The following JMJD1C variants were observed in gnomAD, a reference collection of about 807,000 sequenced individuals.
JMJD1C encodes jumonji domain-containing protein 1C.
A neutral mutation model predicts 245.3 loss-of-function variants in JMJD1C; 31 were observed. That is an observed-to-expected ratio of 0.13 (90% CI 0.09 to 0.17). The LOEUF is 0.17. JMJD1C is among the 10% of genes least tolerant of loss of function. The probability of loss-of-function intolerance (pLI) is 1.00; values close to 1 mark genes in which losing one functional copy is unlikely to be tolerated. For missense variants in JMJD1C, 2,691 were observed against 3,000.2 expected (o/e 0.90, Z 2.41); for synonymous variants, 1,057 against 1,017.4 (o/e 1.04, Z -0.74).
At chr10:63,424,846 A>G (rs568092474) in intron 1 of JMJD1C, among the ~76,000 whole-genome samples, 4 of 152,334 alleles carry the variant, frequency 2.6e-5, no homozygotes, top group Middle Eastern at 3.4e-3. Flanking sequence ...TTGGGGTATT[A>G]TAAGACCACA....
At chr10:63,425,559 A>G (rs1386569851) in intron 1 of JMJD1C, among the ~76,000 whole-genome samples, 1 of 152,178 alleles carries the variant, frequency 6.6e-6, no homozygotes, top group African/African-American at 2.4e-5. Flanking sequence ...AGACAGGCAG[A>G]TCGCTTGAGC....
chr10:63,226,428 T>C (rs1849286129), intron 3 of JMJD1C, among the ~76,000 whole-genome samples: 1 of 151,938 alleles, frequency 6.6e-6, no homozygotes, highest in African/African-American at 2.4e-5. Flanking sequence ...GAGGGGATAA[T>C]GGGGCCGGGT....
At chr10:63,319,539 T>G (rs1940585291) in intron 2 of JMJD1C, among the ~76,000 whole-genome samples, 1 of 152,098 alleles carries the variant, frequency 6.6e-6, no homozygotes, top group African/African-American at 2.4e-5. Context: ...AAACTATCCC[T>G]TTTATCCCTT....
intron 2 of JMJD1C, among the ~76,000 whole-genome samples, chr10:63,315,533 GT>G (rs1344364195): frequency 6.6e-6 from 1 of 151,966 alleles, no homozygotes; most frequent in Non-Finnish European, 1.5e-5. Flanking sequence ...ACTTTTGAAG[GT>G]TATACTTGCT....
chr10:63,171,715 G>A (rs1329481555), intron 24 of JMJD1C, among the ~76,000 whole-genome samples: 1 of 152,162 alleles, frequency 6.6e-6, no homozygotes, highest in Non-Finnish European at 1.5e-5. Flanking sequence ...AACTCTGGTG[G>A]TGGGGTACAG....
intron 24 of JMJD1C, among the ~76,000 whole-genome samples, chr10:63,173,983 C>T (rs1408334341): frequency 6.6e-6 from 1 of 152,122 alleles, no homozygotes; most frequent in East Asian, 1.9e-4. Flanking sequence ...AGTAAAACCA[C>T]CATGAGACAC....
chr10:63,518,906 A>C (rs1955112951), intron 1 of JMJD1C, among the ~76,000 whole-genome samples: 1 of 152,224 alleles, frequency 6.6e-6, no homozygotes, highest in Non-Finnish European at 1.5e-5. Flanking sequence ...TAATGTAAAC[A>C]AGCTTGGGAA....
intron 1 of JMJD1C, among the ~76,000 whole-genome samples, chr10:63,388,244 T>G (rs556289894): frequency 6.6e-6 from 1 of 151,976 alleles, no homozygotes. Context: ...GACATAACTA[T>G]CTAGTCACTT....
intron 1 of JMJD1C, among the ~76,000 whole-genome samples, chr10:63,503,042 G>C (rs1954609875): frequency 6.6e-6 from 1 of 152,190 alleles, no homozygotes; most frequent in African/African-American, 2.4e-5. Flanking sequence ...TGGGGAAACT[G>C]AGTCTTAAAG....
chr10:63,477,546 C>A (rs918264330), intron 1 of JMJD1C, among the ~76,000 whole-genome samples: 1 of 90,266 alleles, frequency 1.1e-5, no homozygotes. Context: ...ATTTGTCATC[C>A]ATATGTCAAA....
intron 6 of JMJD1C, 24 bp downstream of exon 6, chr10:63,215,529 A>G: frequency 6.2e-7 from 1 of 1,607,476 alleles, no homozygotes; most frequent in Non-Finnish European, 8.5e-7. Flanking sequence ...TTTTACAGAA[A>G]TTCATCCCTA....
In JMJD1C at chr10:63,215,822, G is replaced by A. The variant is rs548020758; in HGVS notation, c.679-126C>T. Reference sequence around the variant, plus strand: ...TGGGATCCCTAATTTATAAGATGCTGTTATAATAATTTGTTTTATTCACTT... The same window carrying A: ...TGGGATCCCTAATTTATAAGATGCTATTATAATAATTTGTTTTATTCACTT... On this transcript the variant is annotated intron_variant, in intron 5 of 25. Coordinates refer to ENST00000399262, the MANE Select transcript of JMJD1C (RefSeq NM_032776.3). 6.7e-6 allele frequency: 4 copies of A among 594,876 alleles called. No homozygotes were observed. The African/African-American group carries it at 7.4e-5, about 11-fold the overall frequency. The allele number at this position is 594,876 out of a possible 1,614,324, so 36.8% of individuals were successfully genotyped here.
At chr10:63,280,294 A>G (rs1236975521) in intron 2 of JMJD1C, among the ~76,000 whole-genome samples, 2 of 152,014 alleles carry the variant, frequency 1.3e-5, no homozygotes, top group Non-Finnish European at 2.9e-5. Context: ...TCACGCCTGT[A>G]ATCCCAGCAC....
At position 63,291,971 on chromosome 10, in the gene JMJD1C, G is replaced by A. The variant is rs189322007; in HGVS notation, c.334-27207C>T. On this transcript the variant is annotated intron_variant, in intron 2 of 25. Coordinates refer to ENST00000399262, the MANE Select transcript of JMJD1C (RefSeq NM_032776.3). ...GTGTTGTATGTGTGTGTGTATTTGA[G>A]ACAGGGTCCCACTCTGTTGCCTAGG... is the stretch of plus-strand genomic sequence containing the variant. 9.3e-4 allele frequency among the ~76,000 whole-genome samples: 142 copies of A among 151,988 alleles called. 1 individual carries two copies. Among genetic ancestry groups the A allele is most frequent in the African/African-American group, 3.1e-3 (128 of 41,462 alleles).
At chr10:63,338,554 GA>G (rs1943061510) in intron 2 of JMJD1C, among the ~76,000 whole-genome samples, 1 of 151,774 alleles carries the variant, frequency 6.6e-6, no homozygotes, top group Non-Finnish European at 1.5e-5. Flanking sequence ...TCATTTCAAG[GA>G]AGCTTAAGGG....
At chr10:63,470,210 A>G (rs1321166263), upstream of JMJD1C, among the ~76,000 whole-genome samples, 1 of 152,078 alleles carries the variant, frequency 6.6e-6, no homozygotes, top group Non-Finnish European at 1.5e-5. Flanking sequence ...TGTCTTGTTC[A>G]TAACTATACT....
intron 2 of JMJD1C, among the ~76,000 whole-genome samples, chr10:63,335,218 C>T (rs938196357): frequency 6.6e-6 from 1 of 151,950 alleles, no homozygotes; most frequent in Non-Finnish European, 1.5e-5. Flanking sequence ...TGTCAAAGTG[C>T]CTCTGAATGT....
intron 1 of JMJD1C, among the ~76,000 whole-genome samples, chr10:63,493,913 A>G (rs1954262443): frequency 6.6e-6 from 1 of 152,204 alleles, no homozygotes; most frequent in Admixed American, 6.5e-5. Context: ...AAAGAAGGAA[A>G]AAAATAAAAA....
intron 2 of JMJD1C, among the ~76,000 whole-genome samples, chr10:63,277,731 C>T (rs202158865): frequency 6.0e-3 from 388 of 64,220 alleles, no homozygotes; most frequent in Admixed American, 7.0e-3. Context: ...ATTTGCATTT[C>T]TTTTTTTTTT....
Sources: allele counts gnomAD v4.1 joint callset (sites outside exome capture counted in the v4.1 genomes callset), GRCh38; gene constraint gnomAD v4.1.1; transcripts MANE v1.5; gene names NCBI Gene and HGNC (gene_info 2026-07-23, HGNC 2026-07-21).